Variants in SPEG observed in about 807,000 individuals in gnomAD.
SPEG encodes the protein striated muscle enriched protein kinase.
In SPEG, 114 loss-of-function variants were observed where a neutral mutation model predicts 300.4. The observed-to-expected ratio is 0.38, with a 90% CI of 0.33 to 0.44. SPEG has a LOEUF of 0.44. SPEG is among the 20% of genes least tolerant of loss of function. The probability of loss-of-function intolerance (pLI) is 1.00; values close to 1 mark genes in which losing one functional copy is unlikely to be tolerated. For synonymous variants in SPEG, 1,964 were observed against 2,018.9 expected (o/e 0.97, Z 0.73); for missense variants, 4,201 against 4,586.2 (o/e 0.92, Z 2.43).
rs931277187 is a variant in SPEG at position 219,477,884 on chromosome 2, C to T, written c.4827-21C>T. On this transcript the variant is annotated intron_variant, in intron 21 of 40. Coordinates refer to ENST00000312358, the MANE Select transcript of SPEG (RefSeq NM_005876.5). The surrounding 1 kb of genome is among the most constrained non-coding windows in gnomAD (Gnocchi z 6.4). ...GGCCACAGTGATGGCTGATCTCTGA[C>T]CCCCTCCCTGTGTCAACCAGGGGTG... 2.5e-6 allele frequency: 4 copies of T among 1,611,224 alleles called. No homozygotes were observed. The highest frequency in any genetic ancestry group is 3.4e-6 in the Non-Finnish European group (4 of 1,177,724).
chr2:219,445,062 T>TG lies in SPEG; in HGVS notation c.719dup (p.Ala241ArgfsTer8). The TG allele has an allele frequency of 6.2e-7, 1 of 1,606,440 alleles. No homozygotes were observed. The highest frequency in any genetic ancestry group is 8.5e-7 in the Non-Finnish European group (1 of 1,176,638). On this transcript the variant is annotated frameshift_variant, in exon 3 of 41. Coordinates refer to ENST00000312358, the MANE Select transcript of SPEG (RefSeq NM_005876.5). LOFTEE classifies it high-confidence loss of function. The surrounding 1 kb of genome is among the most constrained non-coding windows in gnomAD (Gnocchi z 6.1). The stretch of plus-strand genomic sequence containing the variant: ...GTGCGGGCATCTCGAGCTAATCTGG[T>TG]GGGCGCAAGCTGGGGGTCAGAGGAT...
chr2:219,440,791 G>T (rs139805995), intron 1 of SPEG, among the ~76,000 whole-genome samples: 3 of 152,114 alleles, frequency 2.0e-5, no homozygotes, highest in African/African-American at 7.2e-5. Context: ...TCCTCTTGTC[G>T]TGAGGATTAA....
At position 219,481,452 on chromosome 2, in the gene SPEG, C is replaced by T. The variant is rs369971008; in HGVS notation, c.5518C>T (p.Arg1840Trp). 26 of 1,613,876 alleles carry T rather than the reference C, an allele frequency of 1.6e-5. No homozygotes were observed. Among genetic ancestry groups the T allele is most frequent in the African/African-American group, 5.3e-5 (4 of 74,884 alleles). The change falls in exon 27 of 41, where the codon CGG (arginine) becomes TGG (tryptophan). Residue 1840 changes from arginine to tryptophan, a missense_variant. Arg to Trp is a moderately radical substitution (Grantham distance 101). Around this residue, in one of 4 missense-constraint regions of SPEG, gnomAD observed 1,047 missense variants for 1,356.8 expected, o/e 0.77. Coordinates refer to ENST00000312358, the MANE Select transcript of SPEG (RefSeq NM_005876.5). This position sits in a 1 kb window ranked among gnomAD's most constrained non-coding sequence, Gnocchi z 5.4. ...CCTCATCAAAGTGTTGGTGCAGGAC[C>T]GGCTGTGAGTACAAGGCCCTGGGAG... ...GFLIKVLVQD[R>W]LRPTAEETLE...
Position 219,489,192 on chromosome 2 carries a change from C to T in SPEG, c.8288C>T (p.Ser2763Phe). 6.2e-7 allele frequency: 1 copy of T among 1,613,968 alleles called. No individual in the cohort carries two copies. Among genetic ancestry groups the T allele is most frequent in the Non-Finnish European group, 8.5e-7 (1 of 1,179,948 alleles). ...RAGQGPFSNS[S>F]EKVFVRGTQD... ...GGGCAGGGGCCCTTCAGCAACTCTT[C>T]TGAGAAGGTCTTTGTCAGGGGTACT... Residue 2763 changes from serine to phenylalanine, a missense_variant, in exon 35 of 41, where the codon TCT becomes TTT. Ser to Phe is a radical substitution (Grantham distance 155). Coordinates refer to ENST00000312358, the MANE Select transcript of SPEG (RefSeq NM_005876.5).
In SPEG at chr2:219,444,743, G is replaced by T; in HGVS notation, c.478+1G>T. The T allele has an allele frequency of 6.2e-7, 1 of 1,614,040 alleles. No individual in the cohort carries two copies. The highest frequency in any genetic ancestry group is 8.5e-7 in the Non-Finnish European group (1 of 1,179,936). On this transcript the variant is annotated splice_donor_variant, in intron 2 of 40. Transcript: ENST00000312358. LOFTEE classifies it high-confidence loss of function. This position sits in a 1 kb window ranked among gnomAD's most constrained non-coding sequence, Gnocchi z 7.8. ...GACGGGGCCTTCAGCACCCCCACGGGTGAGCTCCTGGGGTGTACAAAGAGC... is the reference window on the plus strand; with the variant it reads ...GACGGGGCCTTCAGCACCCCCACGGTTGAGCTCCTGGGGTGTACAAAGAGC...
intron 9 of SPEG, chr2:219,465,183 T>C (rs1009267321): frequency 6.5e-6 from 1 of 152,726 alleles, no homozygotes; most frequent in Admixed American, 6.5e-5. Context: ...CTGGGGCATA[T>C]GTGCAGGGGC....
At chr2:219,478,161 G>GTAAC in intron 22 of SPEG, 56 bp downstream of exon 22, 1 of 1,467,086 alleles carries the variant, frequency 6.8e-7, no homozygotes, top group Non-Finnish European at 9.5e-7. Flanking sequence ...ACTGGTCCTT[G>GTAAC]TAACATCCAA....
intron 18 of SPEG, 104 bp downstream of exon 18, chr2:219,474,007 C>A: frequency 1.6e-6 from 2 of 1,234,216 alleles, no homozygotes; most frequent in Non-Finnish European, 1.1e-6. Context: ...AGATCCAAAC[C>A]CATGTCCTCT....
In SPEG at chr2:219,470,749, C is replaced by T. The variant is rs150681350; in HGVS notation, c.3716-1119C>T. On this transcript the variant is annotated intron_variant, in intron 13 of 40. Coordinates refer to ENST00000312358, the MANE Select transcript of SPEG (RefSeq NM_005876.5). The stretch of plus-strand genomic sequence containing the variant: ...GAGTAGGGAAAGAGCTTTGGAATCA[C>T]ATGGTACCAAGGTCAAACTATCATT... Among the ~76,000 whole-genome samples the T allele has an allele frequency of 2.5e-3, 371 of 151,182 alleles. 2 individuals carry two copies. Among genetic ancestry groups the T allele is most frequent in the African/African-American group, 8.4e-3 (347 of 41,192 alleles).
At position 219,469,208 on chromosome 2, in the gene SPEG, C is replaced by A; in HGVS notation, c.3544C>A (p.Leu1182Met). ...TCCCGAGGAGCCAGAGCAGGGTGAG[C>A]TGGAGCGGCTGTCCATTCCTGACTT... ...SIPEEPEQGE[L>M]ERLSIPDFLR... The change falls in exon 13 of 41, where the codon CTG (leucine) becomes ATG (methionine). Residue 1182 changes from leucine (L) to methionine (M), a missense_variant. Leu to Met is a conservative substitution (Grantham distance 15). Around this residue, in one of 4 missense-constraint regions of SPEG, gnomAD observed 1,047 missense variants for 1,356.8 expected, o/e 0.77. Coordinates refer to ENST00000312358, the MANE Select transcript of SPEG (RefSeq NM_005876.5). 1 of 1,613,654 alleles carries A rather than the reference C, an allele frequency of 6.2e-7. No homozygotes were observed. Among genetic ancestry groups the A allele is most frequent in the Non-Finnish European group, 8.5e-7 (1 of 1,179,780 alleles).
chr2:219,460,647 C>T (rs948405642), intron 6 of SPEG: 37 of 985,472 alleles, frequency 3.8e-5, no homozygotes, highest in African/African-American at 2.1e-4. Context: ...TAAATCCAGA[C>T]GGCCGCGCTC....
chr2:219,488,277 G>T lies in SPEG; in HGVS notation c.7825G>T (p.Ala2609Ser), dbSNP rs1245979947. ...AGCCACCCTGCTCTGCCTGCCAGCG[G>T]CCTGCCCTGCACCGCACATCTCCTG... Reference protein sequence around the residue: ...EAATLLCLPAACPAPHISWMK... With the variant: ...EAATLLCLPASCPAPHISWMK... The change falls in exon 32 of 41, where the codon GCC (alanine) becomes TCC (serine). Residue 2609 changes from alanine to serine, a missense_variant. Ala to Ser is a moderately conservative substitution (Grantham distance 99, BLOSUM62 1). Transcript: ENST00000312358. The T allele has an allele frequency of 1.9e-6, 3 of 1,613,036 alleles. No individual in the cohort carries two copies. The highest frequency in any genetic ancestry group is 1.7e-6 in the Non-Finnish European group (2 of 1,179,744).
chr2:219,435,487 T>A, intron 1 of SPEG, 122 bp downstream of exon 1: 1 of 1,153,590 alleles, frequency 8.7e-7, no homozygotes, highest in Non-Finnish European at 1.2e-6. Flanking sequence ...CCAGGTGCCC[T>A]GGCTTCTCGG....
At position 219,490,726 on chromosome 2, in the gene SPEG, C is replaced by T; in HGVS notation, c.9162-7C>T. 1 of 1,613,924 alleles carries T rather than the reference C, an allele frequency of 6.2e-7. No individual in the cohort carries two copies. Among genetic ancestry groups the T allele is most frequent in the Non-Finnish European group, 8.5e-7 (1 of 1,179,850 alleles). On this transcript the variant is annotated splice_polypyrimidine_tract_variant and splice_region_variant and intron_variant, in intron 37 of 40. Coordinates refer to ENST00000312358, the MANE Select transcript of SPEG (RefSeq NM_005876.5). ...GGGTATCATCTGCTCCATCCCTGCC[C>T]TCCCAGGTTCCGGTATTCTGAGGAT...
chr2:219,456,481 G>C (rs1235172823), intron 6 of SPEG, among the ~76,000 whole-genome samples: 1 of 152,252 alleles, frequency 6.6e-6, no homozygotes, highest in Non-Finnish European at 1.5e-5. Context: ...AGGCCTGCCT[G>C]ACAGGTGGCC....
chr2:219,478,157 C>A, intron 22 of SPEG, 52 bp downstream of exon 22: 1 of 1,480,090 alleles, frequency 6.8e-7, no homozygotes, highest in South Asian at 1.2e-5. Flanking sequence ...AATGACTGGT[C>A]CTTGTAACAT....
Position 219,483,533 on chromosome 2 carries a change from G to A in SPEG, c.6070G>A (p.Gly2024Arg), listed in dbSNP as rs763534515. ...SSAESALPRA[G>R]PRELGRGLHK... ...GGCTGAGAGCGCCCTGCCCCGGGCC[G>A]GGCCGCGGGAGCTGGGCCGGGGCCT... The change falls in exon 30 of 41, where the codon GGG (glycine) becomes AGG (arginine). Residue 2024 changes from glycine to arginine, a missense_variant. This residue lies in a region of SPEG where 1,578 missense variants were observed against 1,506.0 expected (regional missense o/e 1.05). Coordinates refer to ENST00000312358, the MANE Select transcript of SPEG (RefSeq NM_005876.5). The A allele has an allele frequency of 7.1e-7, 1 of 1,404,030 alleles. No homozygotes were observed. The highest frequency in any genetic ancestry group is 1.6e-5 in the South Asian group (1 of 63,848). The allele number at this position is 1,404,030 out of a possible 1,614,324, so 87.0% of individuals were successfully genotyped here.
At chr2:219,442,517 C>T (rs1255893581) in intron 1 of SPEG, among the ~76,000 whole-genome samples, 1 of 151,064 alleles carries the variant, frequency 6.6e-6, no homozygotes, top group Non-Finnish European at 1.5e-5. Context: ...CACGGATCCG[C>T]GCTGAGCTCA....
At position 219,482,868 on chromosome 2, in the gene SPEG, C is replaced by T; in HGVS notation, c.5634+16C>T. On this transcript the variant is annotated intron_variant, in intron 29 of 40. Coordinates refer to ENST00000312358, the MANE Select transcript of SPEG (RefSeq NM_005876.5). The stretch of plus-strand genomic sequence containing the variant: ...GAGGTGGCAGGTAAGTGTGGCAGGC[C>T]AGCCTCTGTGCTTTCCACCTTCTCC... 6.2e-7 allele frequency: 1 copy of T among 1,611,982 alleles called. No homozygotes were observed. Among genetic ancestry groups the T allele is most frequent in the Non-Finnish European group, 8.5e-7 (1 of 1,178,428 alleles).
Sources: gnomAD v4.1 joint callset for allele counts (sites outside exome capture counted in the v4.1 genomes callset) on GRCh38, gnomAD v4.1.1 for gene constraint, gnomAD v4.1.1 regional missense constraint, Gnocchi (gnomAD v3.1) non-coding constraint, MANE v1.5 for transcripts, NCBI Gene and HGNC (gene_info 2026-07-23, HGNC 2026-07-21) for gene names.